Variants in SPATA17 observed in about 807,000 individuals in gnomAD.
SPATA17 encodes spermatogenesis-associated protein 17.
A neutral mutation model predicts 62.2 loss-of-function variants in SPATA17; 53 were observed. The observed-to-expected ratio is 0.85, with a 90% confidence interval of 0.68 to 1.07. The LOEUF (loss-of-function observed/expected upper bound fraction) is 1.07. Ranked by LOEUF, SPATA17 falls within the 50% of genes least tolerant of loss-of-function variation. The pLI is 0.00. For synonymous variants in SPATA17, 146 were observed against 146.8 expected, an observed-to-expected ratio of 0.99 and a Z score of 0.04; for missense variants, 466 against 425.5, an observed-to-expected ratio of 1.10 and a Z score of -0.84.
At chr1:217,724,403 C>CTGGTGG (rs1672208386) in intron 5 of SPATA17, among the ~76,000 whole-genome samples, 1 of 152,010 alleles carries the variant, frequency 6.6e-6, no homozygotes, top group Non-Finnish European at 1.5e-5. Flanking sequence ...GCTTGGCCAA[C>CTGGTGG]ATGGTGAAAC....
At chr1:217,662,005 A>G (rs7555956) in intron 3 of SPATA17, among the ~76,000 whole-genome samples, 57,305 of 151,994 alleles carry the variant, frequency 0.38, 11,565 homozygotes, top group Non-Finnish European at 0.46. Flanking sequence ...CTTTTAAGCA[A>G]TAGTACCACA....
intron 5 of SPATA17, among the ~76,000 whole-genome samples, chr1:217,721,961 T>A (rs1329025571): frequency 2.0e-5 from 3 of 152,172 alleles, no homozygotes; most frequent in African/African-American, 7.2e-5. Context: ...GGATGATGCA[T>A]TATGATCCTT....
At chr1:217,816,306 T>G (rs553397402) in intron 9 of SPATA17, among the ~76,000 whole-genome samples, 5 of 152,018 alleles carry the variant, frequency 3.3e-5, no homozygotes, top group African/African-American at 1.2e-4. Flanking sequence ...ATTTTATATT[T>G]TTAGTCTGAT....
intron 9 of SPATA17, among the ~76,000 whole-genome samples, chr1:217,817,786 A>T (rs567267508): frequency 7.9e-5 from 12 of 152,190 alleles, no homozygotes; most frequent in African/African-American, 2.6e-4. Context: ...TGTTGGCCAC[A>T]TCTTGCCGTA....
intron 4 of SPATA17, among the ~76,000 whole-genome samples, chr1:217,676,190 G>T (rs1670943274): frequency 6.6e-6 from 1 of 152,158 alleles, no homozygotes; most frequent in Non-Finnish European, 1.5e-5. Flanking sequence ...TATTCAGGCT[G>T]TGGCCTCCCT....
intron 3 of SPATA17, among the ~76,000 whole-genome samples, chr1:217,659,800 G>T (rs1484251721): frequency 6.6e-6 from 1 of 152,024 alleles, no homozygotes; most frequent in Admixed American, 6.5e-5. Flanking sequence ...ACCACCTCTT[G>T]TTCCCTATCT....
chr1:217,828,762 G>A (rs1332595329), intron 9 of SPATA17, among the ~76,000 whole-genome samples: 2 of 151,876 alleles, frequency 1.3e-5, no homozygotes, highest in Non-Finnish European at 2.9e-5. Flanking sequence ...AGAAAAATAA[G>A]CCAATTAAAA....
chr1:217,871,098 CTAAG>C lies in SPATA17; in HGVS notation c.*4081_*4084del, dbSNP rs1020887447. The C allele has an allele frequency of 6.6e-6, 1 of 152,122 alleles. No homozygotes were observed. The highest frequency in any genetic ancestry group is 1.5e-5 in the Non-Finnish European group (1 of 68,018). The allele number at this position is 152,122 out of a possible 1,614,324, so 9.4% of individuals were successfully genotyped here. On this transcript the variant is annotated 3_prime_UTR_variant, in exon 11 of 11. Coordinates refer to ENST00000366933, the MANE Select transcript of SPATA17 (RefSeq NM_138796.4). ...ATGTAGATCTAGATTGTGATGTACACTAAGTGGGTTGATCCTGAGATCAAGCTAT... is the reference window on the plus strand; with the variant it reads ...ATGTAGATCTAGATTGTGATGTACACTGGGTTGATCCTGAGATCAAGCTAT...
At position 217,641,590 on chromosome 1, in the gene SPATA17, G is replaced by A. The variant is rs186369639; in HGVS notation, c.69-7292G>A. Among the ~76,000 whole-genome samples the A allele has an allele frequency of 2.1e-4, 32 of 152,178 alleles. No individual in the cohort carries two copies. The East Asian group carries it at 5.6e-3, about 27-fold the overall frequency. ...TAAATGTTTAGAGATTAAAAACACA[G>A]TATCTGAAATTTAAAAATTATTAGA... On this transcript the variant is annotated intron_variant, in intron 1 of 10. Transcript: ENST00000366933.
At chr1:217,823,417 T>C (rs1674917033) in intron 9 of SPATA17, among the ~76,000 whole-genome samples, 1 of 152,036 alleles carries the variant, frequency 6.6e-6, no homozygotes, top group African/African-American at 2.4e-5. Context: ...TCCAGTTTTA[T>C]ATAGGGCTCT....
intron 9 of SPATA17, among the ~76,000 whole-genome samples, chr1:217,847,581 T>A (rs1471854331): frequency 1.3e-5 from 2 of 152,190 alleles, no homozygotes; most frequent in Non-Finnish European, 2.9e-5. Flanking sequence ...GGTATTAAAG[T>A]ATACTAATTT....
intron 9 of SPATA17, among the ~76,000 whole-genome samples, chr1:217,836,204 A>G (rs1257843643): frequency 6.6e-6 from 1 of 152,160 alleles, no homozygotes; most frequent in Non-Finnish European, 1.5e-5. Context: ...GCAGTTATAG[A>G]ATGGTCAAAA....
At chr1:217,815,627 C>T (rs1204712541) in intron 9 of SPATA17, among the ~76,000 whole-genome samples, 3 of 152,084 alleles carry the variant, frequency 2.0e-5, no homozygotes, top group Non-Finnish European at 2.9e-5. Flanking sequence ...AGGTGTTTTG[C>T]GGATGTGCTT....
chr1:217,852,717 A>G (rs181403321), intron 9 of SPATA17, among the ~76,000 whole-genome samples: 54 of 152,274 alleles, frequency 3.5e-4, no homozygotes, highest in African/African-American at 1.3e-3. Context: ...CAATCTTTCT[A>G]GCATGGTTTA....
chr1:217,639,599 T>C (rs1384512582), intron 1 of SPATA17, among the ~76,000 whole-genome samples: 1 of 152,176 alleles, frequency 6.6e-6, no homozygotes, highest in Non-Finnish European at 1.5e-5. Context: ...TTATATTTAA[T>C]TAAGACAAAT....
rs1044904946 is a variant in SPATA17 at position 217,870,031 on chromosome 1, A to G, written c.*3012A>G. 2.6e-5 allele frequency: 4 copies of G among 152,206 alleles called. No individual in the cohort carries two copies. Among genetic ancestry groups the G allele is most frequent in the Non-Finnish European group, 4.4e-5 (3 of 68,036 alleles). The allele number at this position is 152,206 out of a possible 1,614,324, so 9.4% of individuals were successfully genotyped here. A position where few individuals can be genotyped will look rare whatever the true frequency, so the allele number is the denominator to read the frequency against. ...GATTGGCTGTATGAAGATTTACTAT[A>G]CAATTTTGTGTACTTTTGTAAGTTC... is the stretch of plus-strand genomic sequence containing the variant. On this transcript the variant is annotated 3_prime_UTR_variant, in exon 11 of 11. Transcript: ENST00000366933.
chr1:217,852,846 C>T (rs1179383170), intron 9 of SPATA17, among the ~76,000 whole-genome samples: 3 of 152,140 alleles, frequency 2.0e-5, no homozygotes, highest in Non-Finnish European at 4.4e-5. Flanking sequence ...TCAAATGATA[C>T]CTCAGAGTAG....
At position 217,771,660 on chromosome 1, in the gene SPATA17, C is replaced by G. The variant is rs80342794; in HGVS notation, c.520-2674C>G. 1.6e-4 allele frequency among the ~76,000 whole-genome samples: 24 copies of G among 152,222 alleles called. No homozygotes were observed. In the East Asian group the frequency reaches 3.7e-3, roughly 23 times the overall value. ...TTCTAAAATACTGACACCTTGAAGA[C>G]TTTAAATGATACATTTGAAATTCAA... is the stretch of plus-strand genomic sequence containing the variant. On this transcript the variant is annotated intron_variant, in intron 6 of 10. Transcript: ENST00000366933.
chr1:217,700,723 G>T (rs576922455), intron 5 of SPATA17, among the ~76,000 whole-genome samples: 1 of 150,936 alleles, frequency 6.6e-6, no homozygotes, highest in African/African-American at 2.4e-5. Context: ...ATTAGCAGAG[G>T]CTACAGGCAT....
Sources: allele counts gnomAD v4.1 joint callset (sites outside exome capture counted in the v4.1 genomes callset), GRCh38; gene constraint gnomAD v4.1.1; transcripts MANE v1.5; gene names NCBI Gene and HGNC (gene_info 2026-07-23, HGNC 2026-07-21).